Variants in EVA1C observed in about 807,000 individuals in gnomAD.
The protein encoded by EVA1C is protein eva-1 homolog C.
In EVA1C, 25 loss-of-function variants were observed where a neutral mutation model predicts 45.4. The observed-to-expected ratio is 0.55, with a 90% CI of 0.40 to 0.77. EVA1C has a LOEUF of 0.77. EVA1C is among the 30% of genes least tolerant of loss of function. The probability of loss-of-function intolerance (pLI) is 0.00; values close to 1 mark genes in which losing one functional copy is unlikely to be tolerated. For missense variants in EVA1C, 479 were observed against 554.8 expected (o/e 0.86, Z 1.37); for synonymous variants, 190 against 221.2 (o/e 0.86, Z 1.25).
rs1555867880 is a variant in EVA1C at position 32,475,879 on chromosome 21, T to TACTC, written c.634+8031_634+8032insACTC. Among the ~76,000 whole-genome samples, 367 of 100,534 alleles carry TACTC rather than the reference T, an allele frequency of 3.7e-3. 1 individual carries two copies. Among genetic ancestry groups the TACTC allele is most frequent in the Middle Eastern group, 0.014 (3 of 208 alleles). 66.0% of individuals were successfully genotyped at this position (100,534 alleles called of 152,430 possible). A position where few individuals can be genotyped will look rare whatever the true frequency, so the allele number is the denominator to read the frequency against. ...CTTCACAGAGTTCTTTCTAAAAACTTTATCTATCTATCTATCTATCTATCT... is the reference window on the plus strand; with the variant it reads ...CTTCACAGAGTTCTTTCTAAAAACTTACTCTATCTATCTATCTATCTATCTATCT... On this transcript the variant is annotated intron_variant, in intron 4 of 7. Coordinates refer to ENST00000300255, the MANE Select transcript of EVA1C (RefSeq NM_058187.5).
chr21:32,503,275 G>C (rs1023162974), intron 6 of EVA1C, among the ~76,000 whole-genome samples: 3 of 152,262 alleles, frequency 2.0e-5, no homozygotes, highest in African/African-American at 7.2e-5. Context: ...GCCGGGAGCA[G>C]TGGCTCACGC....
intron 2 of EVA1C, among the ~76,000 whole-genome samples, chr21:32,454,538 A>G (rs1450418755): frequency 2.0e-5 from 3 of 152,042 alleles, no homozygotes; most frequent in African/African-American, 7.2e-5. Context: ...CTTCTACTTC[A>G]CCATCCCTGG....
At position 32,479,978 on chromosome 21, in the gene EVA1C, C is replaced by T. The variant is rs74545232; in HGVS notation, c.634+12130C>T. Among the ~76,000 whole-genome samples, 810 of 151,892 alleles carry T rather than the reference C, an allele frequency of 5.3e-3. 9 individuals are homozygous for T. Among genetic ancestry groups the T allele is most frequent in the African/African-American group, 0.019 (784 of 41,390 alleles). ...AGCTGCATGCCTTGGTAAACTTTTT[C>T]TGGATAAGTTTGGCAGTATGTATTA... is the stretch of plus-strand genomic sequence containing the variant. On this transcript the variant is annotated intron_variant, in intron 4 of 7. Coordinates refer to ENST00000300255, the MANE Select transcript of EVA1C (RefSeq NM_058187.5).
At chr21:32,475,927 C>CTATCTATATATA (rs1568924705) in intron 4 of EVA1C, among the ~76,000 whole-genome samples, 1 of 150,180 alleles carries the variant, frequency 6.7e-6, no homozygotes, top group African/African-American at 2.5e-5. Context: ...ATCTATCTAT[C>CTATCTATATATA]TATATAAACA....
At chr21:32,486,500 C>G (rs1460141709) in intron 4 of EVA1C, among the ~76,000 whole-genome samples, 1 of 152,298 alleles carries the variant, frequency 6.6e-6, no homozygotes, top group African/African-American at 2.4e-5. Flanking sequence ...TTCCTCTATG[C>G]CCCTGTGAGG....
intron 4 of EVA1C, among the ~76,000 whole-genome samples, chr21:32,493,225 C>T (rs774852391): frequency 2.6e-5 from 4 of 152,132 alleles, no homozygotes; most frequent in Non-Finnish European, 5.9e-5. Flanking sequence ...GCCTGTAACT[C>T]CCCTCAATGT....
intron 1 of EVA1C, among the ~76,000 whole-genome samples, chr21:32,425,856 A>G (rs2034468412): frequency 6.6e-6 from 1 of 152,198 alleles, no homozygotes. Flanking sequence ...CCCCCACAGC[A>G]AAGAATCATG....
intron 4 of EVA1C, among the ~76,000 whole-genome samples, chr21:32,476,643 AAATAAT>A (rs908815595): frequency 8.6e-5 from 13 of 151,866 alleles, no homozygotes; most frequent in African/African-American, 2.9e-4. Flanking sequence ...CTCCGTCTCA[AAATAAT>A]AATAATAATA....
intron 4 of EVA1C, 57 bp downstream of exon 4, chr21:32,467,905 A>AGTAT: frequency 9.8e-7 from 1 of 1,025,030 alleles, no homozygotes; most frequent in Non-Finnish European, 1.3e-6. Context: ...GAATTAATAG[A>AGTAT]ATATATATAT....
intron 1 of EVA1C, among the ~76,000 whole-genome samples, chr21:32,444,226 T>C (rs1260682004): frequency 1.3e-5 from 2 of 152,180 alleles, no homozygotes; most frequent in Non-Finnish European, 2.9e-5. Context: ...GCTGGATATA[T>C]ACTCCAATTC....
intron 7 of EVA1C, among the ~76,000 whole-genome samples, chr21:32,508,708 G>A (rs370247914): frequency 2.6e-5 from 4 of 152,184 alleles, no homozygotes; most frequent in South Asian, 2.1e-4. Flanking sequence ...CTGCTGCCTC[G>A]ATCCTCTCAA....
chr21:32,415,940 T>C (rs1450904129), intron 1 of EVA1C, among the ~76,000 whole-genome samples: 1 of 152,206 alleles, frequency 6.6e-6, no homozygotes, highest in Non-Finnish European at 1.5e-5. Context: ...CATTCTCAAA[T>C]TGAGGATTTG....
chr21:32,467,843 C>T lies in EVA1C; in HGVS notation c.629C>T (p.Pro210Leu), dbSNP rs375945590. ...TCCTCCAAGGCAGAGCGGCTCCCCCCTTTCGGTATGTGCTTTTGTGTGTGT... is the reference window on the plus strand; with the variant it reads ...TCCTCCAAGGCAGAGCGGCTCCCCCTTTTCGGTATGTGCTTTTGTGTGTGT... ...ICSSKAERLP[P>L]FDCLSYSALQ... Residue 210 changes from proline (P) to leucine (L), a missense_variant, in exon 4 of 8, where the codon CCT becomes CTT. Around this residue, in one of 3 missense-constraint regions of EVA1C, gnomAD observed 366 missense variants for 426.1 expected, o/e 0.86. Transcript: ENST00000300255. The T allele has an allele frequency of 3.1e-6, 5 of 1,608,114 alleles. No individual in the cohort carries two copies. The East Asian group carries it at 1.1e-4, about 36-fold the overall frequency.
chr21:32,426,352 T>C (rs2034486172), intron 1 of EVA1C, among the ~76,000 whole-genome samples: 1 of 152,170 alleles, frequency 6.6e-6, no homozygotes, highest in East Asian at 1.9e-4. Flanking sequence ...AGTGAAATGG[T>C]TGCATGATGG....
At position 32,478,616 on chromosome 21, in the gene EVA1C, G is replaced by A. The variant is rs192696001; in HGVS notation, c.634+10768G>A. Among the ~76,000 whole-genome samples the A allele has an allele frequency of 2.0e-5, 3 of 152,358 alleles. No individual in the cohort carries two copies. The East Asian group carries it at 5.8e-4, about 29-fold the overall frequency. Reference sequence around the variant, plus strand: ...AGAATTTATGCCTCATCCGGCAGAAGAGAAACTGAAAGGAAGACATGAAAG... The same window carrying A: ...AGAATTTATGCCTCATCCGGCAGAAAAGAAACTGAAAGGAAGACATGAAAG... On this transcript the variant is annotated intron_variant, in intron 4 of 7. Transcript: ENST00000300255.
chr21:32,478,785 C>G (rs1442204516), intron 4 of EVA1C, among the ~76,000 whole-genome samples: 2 of 152,226 alleles, frequency 1.3e-5, no homozygotes, highest in Non-Finnish European at 2.9e-5. Flanking sequence ...TGCATAATTT[C>G]CCGCTGTGGT....
chr21:32,510,660 CAG>C (rs951584132), intron 7 of EVA1C, among the ~76,000 whole-genome samples: 1 of 152,168 alleles, frequency 6.6e-6, no homozygotes, highest in African/African-American at 2.4e-5. Context: ...TGGAGCAGAA[CAG>C]TGTTTCATCC....
At chr21:32,458,875 G>A (rs1300464204) in intron 3 of EVA1C, among the ~76,000 whole-genome samples, 10 of 152,102 alleles carry the variant, frequency 6.6e-5, no homozygotes, top group African/African-American at 1.9e-4. Context: ...CTGGTTCCCC[G>A]AGACCCTGGT....
At chr21:32,495,352 T>C (rs921843935) in intron 5 of EVA1C, among the ~76,000 whole-genome samples, 182 bp downstream of exon 5, 1 of 152,148 alleles carries the variant, frequency 6.6e-6, no homozygotes, top group African/African-American at 2.4e-5. Context: ...ATGATATTCA[T>C]GTCAGATAAG....
Sources: gnomAD v4.1 joint callset for allele counts (sites outside exome capture counted in the v4.1 genomes callset) on GRCh38, gnomAD v4.1.1 for gene constraint, gnomAD v4.1.1 regional missense constraint, MANE v1.5 for transcripts, NCBI Gene and HGNC (gene_info 2026-07-23, HGNC 2026-07-21) for gene names.